The following ARHGAP4 variants were observed in gnomAD, a reference collection of about 807,000 sequenced individuals.
ARHGAP4 encodes the protein Rho GTPase activating protein 4, also known as rho GTPase-activating protein 4.
In ARHGAP4, 25 loss-of-function variants were observed where a neutral mutation model predicts 67.6. That is an observed-to-expected ratio of 0.37 (90% CI 0.27 to 0.52). ARHGAP4 has a LOEUF of 0.52. Among genes scored for constraint, ARHGAP4 ranks in the 20% least tolerant of loss-of-function variants. ARHGAP4 has a pLI of 0.92. For synonymous variants in ARHGAP4, 448 were observed against 373.7 expected (o/e 1.20, Z -2.29); for missense variants, 804 against 854.6 (o/e 0.94, Z 0.74).
At position 153,909,539 on chromosome X, in the gene ARHGAP4, C is replaced by T. The variant is rs41299128; in HGVS notation, c.2415-4G>A. 13,968 of 1,199,563 alleles carry T rather than the reference C, an allele frequency of 0.012. 81 individuals carry two copies. Among genetic ancestry groups the T allele is most frequent in the Non-Finnish European group, 0.014 (12,455 of 890,199 alleles). Reference sequence around the variant, plus strand: ...GCCCACCACCTGCTTCTCCGTCCTGCGGTGGGAAGGACCGGCCTGTTTCGA... The same window carrying T: ...GCCCACCACCTGCTTCTCCGTCCTGTGGTGGGAAGGACCGGCCTGTTTCGA... On this transcript the variant is annotated splice_region_variant and splice_polypyrimidine_tract_variant and intron_variant, in intron 19 of 21. Coordinates refer to ENST00000350060, the MANE Select transcript of ARHGAP4 (RefSeq NM_001666.5).
chrX:153,924,662 C>G (rs1375214892), intron 1 of ARHGAP4, among the ~76,000 whole-genome samples: 2 of 111,596 alleles, frequency 1.8e-5, no homozygotes, highest in African/African-American at 3.3e-5. Context: ...GCTGGAGGGG[C>G]TGGAGTCGGG....
rs1285659160 is a variant in ARHGAP4 at position 153,916,160 on chromosome X, ATCCTGGCTAATGTAAGT to A, written c.1033-2298_1033-2282del. Among the ~76,000 whole-genome samples the A allele has an allele frequency of 3.5e-5, 4 of 112,970 alleles. No homozygotes were observed. In the Admixed American group the frequency reaches 3.7e-4, roughly 10 times the overall value. On this transcript the variant is annotated intron_variant, in intron 7 of 21. Transcript: ENST00000350060. ...TTCCGAGCCACAAAATCATCCCTCC[ATCCTGGCTAATGTAAGT>A]GACTGTCACTTCCTTGCATCACTTC...
intron 12 of ARHGAP4, among the ~76,000 whole-genome samples, chrX:153,911,454 T>C (rs1255373521): frequency 9.0e-6 from 1 of 110,610 alleles, no homozygotes; most frequent in Non-Finnish European, 1.9e-5. Context: ...GAACACATCA[T>C]CGTTGTCGGC....
At chrX:153,918,269 T>C (rs185000522) in intron 7 of ARHGAP4, among the ~76,000 whole-genome samples, 392 of 109,268 alleles carry the variant, frequency 3.6e-3, no homozygotes, top group Non-Finnish European at 6.2e-3. Context: ...TGGGTCATCA[T>C]TGGCCAATGG....
In ARHGAP4 at chrX:153,921,684, G is replaced by T. The variant is rs782644010; in HGVS notation, c.193C>A (p.Arg65=). 2 of 1,208,123 alleles carry T rather than the reference G, an allele frequency of 1.7e-6. No individual in the cohort carries two copies. The highest frequency in any genetic ancestry group is 2.2e-6 in the Non-Finnish European group (2 of 894,327). The part of the protein sequence containing the change: ...RRAEVELEYS[R]GLEKLAERFS... The stretch of plus-strand genomic sequence containing the variant: ...CGCTCGGCCAGCTTTTCCAGGCCCC[G>T]GGAGTATTCCAGCTCCACCTCAGCG... Residue 65 remains arginine, a synonymous_variant, in exon 2 of 22, where the codon CGG becomes AGG. Transcript: ENST00000350060.
intron 19 of ARHGAP4, 33 bp downstream of exon 19, chrX:153,909,708 G>A (rs1380711846): frequency 1.2e-5 from 14 of 1,156,884 alleles, no homozygotes; most frequent in Non-Finnish European, 1.6e-5. Flanking sequence ...GAGACTCCGG[G>A]AGCCCTGGGG....
At chrX:153,910,445 C>A in intron 16 of ARHGAP4, 41 bp from the exon 17 acceptor site, 1 of 1,172,641 alleles carries the variant, frequency 8.5e-7, no homozygotes, top group South Asian at 1.9e-5. Context: ...GCCCGCACCC[C>A]GAGTCCCCCT....
intron 7 of ARHGAP4, among the ~76,000 whole-genome samples, chrX:153,916,947 G>A (rs1457524282): frequency 6.2e-5 from 7 of 112,046 alleles, no homozygotes; most frequent in Non-Finnish European, 9.4e-5. Flanking sequence ...CGGGCACGGT[G>A]GCCCACACCT....
chrX:153,921,395 A>G lies in ARHGAP4; in HGVS notation c.405T>C (p.Ile135=). 1.7e-6 allele frequency: 2 copies of G among 1,210,773 alleles called. No individual in the cohort carries two copies. The change falls in exon 3 of 22, where the codon ATT becomes ATC. Residue 135 remains isoleucine (I), a synonymous_variant. Transcript: ENST00000350060. The part of the protein sequence containing the change: ...AGPLAQRLSH[I]AEDVGRLVKK... The stretch of plus-strand genomic sequence containing the variant: ...TGACCAGGCGCCCCACGTCCTCTGC[A>G]ATGTGACTCAGGCGCTGGGCCAGGG...
At chrX:153,919,825 C>G (rs1235078912) in intron 5 of ARHGAP4, 1 of 646,826 alleles carries the variant, frequency 1.5e-6, no homozygotes, top group East Asian at 4.0e-5. Flanking sequence ...CTCGCTCTGT[C>G]GCCCAGGCTG....
rs782552018 is a variant in ARHGAP4, at chrX:153,910,411, G to T, written c.1923-7C>A. 3.4e-6 allele frequency: 4 copies of T among 1,190,818 alleles called. No individual in the cohort carries two copies. The highest frequency in any genetic ancestry group is 3.5e-5 in the African/African-American group (2 of 56,846). On this transcript the variant is annotated splice_region_variant and splice_polypyrimidine_tract_variant and intron_variant, in intron 16 of 21. Coordinates refer to ENST00000350060, the MANE Select transcript of ARHGAP4 (RefSeq NM_001666.5). ...ATCGCTGTACTGGGCCAGGCTGGGG[G>T]GACACGCACATCACAAGCAGAGAGC...
In ARHGAP4 at chrX:153,909,500, G is replaced by C. The variant is rs782143634; in HGVS notation, c.2450C>G (p.Thr817Ser). Residue 817 changes from threonine to serine, a missense_variant, in exon 20 of 22, where the codon ACT (threonine) becomes AGT (serine). Thr to Ser is a moderately conservative substitution (Grantham distance 58). This residue lies in a region of ARHGAP4 where 400 missense variants were observed against 348.7 expected (regional missense o/e 1.15). Coordinates refer to ENST00000350060, the MANE Select transcript of ARHGAP4 (RefSeq NM_001666.5). ...GGGACTGCTCCCAGACTCCCCTGCAGTCTGCAGCCCTGCGCCCACCACCTG... is the reference window on the plus strand; with the variant it reads ...GGGACTGCTCCCAGACTCCCCTGCACTCTGCAGCCCTGCGCCCACCACCTG... ...EKQVVGAGLQ[T>S]AGESGSSPEG... 1 of 1,210,117 alleles carries C rather than the reference G, an allele frequency of 8.3e-7. No homozygotes were observed. The highest frequency in any genetic ancestry group is 1.1e-6 in the Non-Finnish European group (1 of 894,812).
chrX:153,909,333 C>T (rs998357342), intron 20 of ARHGAP4, 110 bp downstream of exon 20: 5 of 896,061 alleles, frequency 5.6e-6, no homozygotes, highest in Admixed American at 7.1e-5. Context: ...CATTCTGTCA[C>T]GTCCTCATCT....
At chrX:153,915,735 T>G (rs1445882426) in intron 7 of ARHGAP4, among the ~76,000 whole-genome samples, 1 of 112,242 alleles carries the variant, frequency 8.9e-6, no homozygotes, top group Non-Finnish European at 1.9e-5. Context: ...TGCAGTGAGC[T>G]ATGATCACAC....
chrX:153,908,471 T>C (rs1217839569), intron 21 of ARHGAP4, among the ~76,000 whole-genome samples: 2 of 112,055 alleles, frequency 1.8e-5, no homozygotes, highest in East Asian at 5.6e-4. Context: ...GGCTTCCACG[T>C]TCAGCCCGAC....
intron 1 of ARHGAP4, among the ~76,000 whole-genome samples, chrX:153,924,030 C>A (rs1240059967): frequency 8.9e-6 from 1 of 111,850 alleles, no homozygotes; most frequent in Non-Finnish European, 1.9e-5. Flanking sequence ...CCGCCCGCCT[C>A]GGCCTCCCAA....
intron 7 of ARHGAP4, among the ~76,000 whole-genome samples, chrX:153,917,342 G>A (rs955709058): frequency 7.2e-5 from 8 of 111,727 alleles, no homozygotes; most frequent in Non-Finnish European, 1.5e-4. Flanking sequence ...CCCAGGAGGC[G>A]AAGTTTGCAG....
In ARHGAP4 at chrX:153,910,474, C is replaced by T. The variant is rs782439990; in HGVS notation, c.1922+32G>A. On this transcript the variant is annotated intron_variant, in intron 16 of 21. Coordinates refer to ENST00000350060, the MANE Select transcript of ARHGAP4 (RefSeq NM_001666.5). ...TCCCCCTGTCCCCTCGACCCCTGGC[C>T]CCCACCCCAGCACTCGCCCCGCAGC... 6.0e-6 allele frequency: 7 copies of T among 1,170,787 alleles called. No individual in the cohort carries two copies. The African/African-American group carries it at 7.1e-5, about 12-fold the overall frequency.
At chrX:153,921,570 C>T in intron 2 of ARHGAP4, 35 bp downstream of exon 2, 1 of 1,203,896 alleles carries the variant, frequency 8.3e-7, no homozygotes, top group Admixed American at 2.2e-5. Context: ...GGAGCTTGGG[C>T]CCTGCCGTGG....
Sources: allele counts gnomAD v4.1 joint callset (sites outside exome capture counted in the v4.1 genomes callset), GRCh38; gene constraint gnomAD v4.1.1; regional missense constraint gnomAD v4.1.1; transcripts MANE v1.5; gene names NCBI Gene and HGNC (gene_info 2026-07-23, HGNC 2026-07-21).